Variants in SPATA6L observed in about 807,000 individuals in gnomAD.
The protein encoded by SPATA6L is spermatogenesis associated 6-like protein.
In SPATA6L, 68 loss-of-function variants were observed where a neutral mutation model predicts 49.2. The observed-to-expected ratio is 1.38, with a 90% CI of 1.14 to 1.69. The LOEUF (loss-of-function observed/expected upper bound fraction) is 1.69. Ranked by LOEUF, SPATA6L falls within the 40% of genes most tolerant of loss-of-function variation. The pLI is 0.00. For synonymous variants in SPATA6L, 198 were observed against 165.7 expected (o/e 1.19, Z -1.50); for missense variants, 668 against 464.3 (o/e 1.44, Z -4.03).
chr9:4,599,529 A>G lies in SPATA6L; in HGVS notation c.*1282T>C, dbSNP rs1343633913. On this transcript the variant is annotated 3_prime_UTR_variant, in exon 12 of 12. Coordinates refer to ENST00000682582, the MANE Select transcript of SPATA6L (RefSeq NM_001353486.2). ...ACTCTATTCAGGCTGCTATAACAAAATGTCATAAACTGGGTAGCTTACAAA... is the reference window on the plus strand; with the variant it reads ...ACTCTATTCAGGCTGCTATAACAAAGTGTCATAAACTGGGTAGCTTACAAA... 6.6e-6 allele frequency among the ~76,000 whole-genome samples: 1 copy of G among 152,238 alleles called. No individual in the cohort carries two copies. Among genetic ancestry groups the G allele is most frequent in the Non-Finnish European group, 1.5e-5 (1 of 68,050 alleles).
downstream of SPATA6L, among the ~76,000 whole-genome samples, chr9:4,595,164 T>C (rs1822160968): frequency 1.3e-5 from 2 of 152,160 alleles, no homozygotes; most frequent in East Asian, 1.9e-4. Flanking sequence ...GCTGACTAAG[T>C]AGTTCACCTT....
At chr9:4,610,845 T>A (rs1343254029) in intron 9 of SPATA6L, among the ~76,000 whole-genome samples, 2 of 151,968 alleles carry the variant, frequency 1.3e-5, no homozygotes, top group East Asian at 3.9e-4. Flanking sequence ...GAAACTACCA[T>A]CAGAGTGAAC....
intron 7 of SPATA6L, among the ~76,000 whole-genome samples, chr9:4,620,812 C>G (rs145189862): frequency 6.6e-6 from 1 of 152,194 alleles, no homozygotes; most frequent in African/African-American, 2.4e-5. Context: ...CTGCATTAAA[C>G]CCAACTTGTC....
At chr9:4,603,591 G>T (rs1823918991) in intron 11 of SPATA6L, among the ~76,000 whole-genome samples, 4 of 152,250 alleles carry the variant, frequency 2.6e-5, no homozygotes, top group Admixed American at 2.0e-4. Flanking sequence ...CCATTGTATG[G>T]CACTAAATAC....
chr9:4,646,659 C>A, intron 3 of SPATA6L: 1 of 421,356 alleles, frequency 2.4e-6, no homozygotes, highest in Non-Finnish European at 4.1e-6. Context: ...AAAATAACTG[C>A]CAAACCAACA....
At chr9:4,636,361 A>G (rs961220345) in intron 3 of SPATA6L, among the ~76,000 whole-genome samples, 1 of 152,210 alleles carries the variant, frequency 6.6e-6, no homozygotes, top group Non-Finnish European at 1.5e-5. Flanking sequence ...AGTGACTTGT[A>G]TAAGTTGATT....
Position 4,622,419 on chromosome 9 carries a change from G to T in SPATA6L, c.761C>A (p.Pro254Gln). 1 of 1,609,488 alleles carries T rather than the reference G, an allele frequency of 6.2e-7. No individual in the cohort carries two copies. Among genetic ancestry groups the T allele is most frequent in the East Asian group, 2.2e-5 (1 of 44,854 alleles). Residue 254 changes from proline (P) to glutamine (Q), a missense_variant, in exon 7 of 12, where the codon CCA becomes CAA. Transcript: ENST00000682582. ...AGAAACTCGAGTACCTCTTCTCGTT[G>T]GAAACGGAAAGTCTGAAAACTTAGA... is the stretch of plus-strand genomic sequence containing the variant. ...RKSKFSDFPFPTRRASSLDSL... is the reference protein window; with the variant it reads ...RKSKFSDFPFQTRRASSLDSL...
chr9:4,663,211 GGC>G, intron 1 of SPATA6L: 4 of 1,614,060 alleles, frequency 2.5e-6, no homozygotes, highest in Non-Finnish European at 3.4e-6. Flanking sequence ...GACTATTGCT[GGC>G]TCTCACCCCA....
chr9:4,622,570 C>G lies in SPATA6L; in HGVS notation c.670-60G>C, dbSNP rs74354938. The G allele has an allele frequency of 2.8e-4, 329 of 1,172,318 alleles. 4 individuals are homozygous for G. The East Asian group carries it at 7.8e-3, about 28-fold the overall frequency. The allele number at this position is 1,172,318 out of a possible 1,614,324, so 72.6% of individuals were successfully genotyped here. A position where few individuals can be genotyped will look rare whatever the true frequency, so the allele number is the denominator to read the frequency against. ...ACTATAGCTTCTAGTACCCTCCCCTCGTTACCGGAATGCCTGTCTCCCCCT... is the reference window on the plus strand; with the variant it reads ...ACTATAGCTTCTAGTACCCTCCCCTGGTTACCGGAATGCCTGTCTCCCCCT... On this transcript the variant is annotated intron_variant, in intron 6 of 11. Transcript: ENST00000682582.
At chr9:4,594,712 C>G (rs1344826773), downstream of SPATA6L, among the ~76,000 whole-genome samples, 1 of 152,010 alleles carries the variant, frequency 6.6e-6, no homozygotes, top group Non-Finnish European at 1.5e-5. Flanking sequence ...AGCGAGTGAC[C>G]CAAGACTTAG....
chr9:4,590,321 G>C (rs956913697), intron 13 of SPATA6L, among the ~76,000 whole-genome samples: 7 of 152,172 alleles, frequency 4.6e-5, no homozygotes, highest in Admixed American at 2.6e-4. Context: ...ATTTCTCAAT[G>C]GCCTGGGCTG....
At chr9:4,625,215 A>G in intron 6 of SPATA6L, 112 bp downstream of exon 6, 1 of 1,442,478 alleles carries the variant, frequency 6.9e-7, no homozygotes, top group Non-Finnish European at 9.1e-7. Flanking sequence ...AATTTGAAGT[A>G]CCTTTTTATT....
chr9:4,663,458 G>A, intron 1 of SPATA6L: 1 of 599,332 alleles, frequency 1.7e-6, no homozygotes, highest in South Asian at 2.9e-5. Context: ...CCATATTAGG[G>A]AAAGCAAAAA....
At chr9:4,589,421 C>T (rs1055067698) in intron 13 of SPATA6L, among the ~76,000 whole-genome samples, 12 of 152,210 alleles carry the variant, frequency 7.9e-5, no homozygotes, top group African/African-American at 2.4e-4. Context: ...GCTCCTACCA[C>T]GTGGTGCTGG....
chr9:4,593,790 C>T (rs115014113), downstream of SPATA6L, among the ~76,000 whole-genome samples: 1,885 of 152,282 alleles, frequency 0.012, 22 homozygotes, highest in African/African-American at 0.023. Context: ...GATTCTGCCC[C>T]GCCTGACCGT....
At chr9:4,630,880 T>C (rs1190573931) in intron 4 of SPATA6L, among the ~76,000 whole-genome samples, 1 of 152,142 alleles carries the variant, frequency 6.6e-6, no homozygotes, top group Non-Finnish European at 1.5e-5. Context: ...TACAGATGAG[T>C]AAACTAAGGC....
At chr9:4,626,943 CT>C (rs1209993563) in intron 5 of SPATA6L, 6 of 152,382 alleles carry the variant, frequency 3.9e-5, no homozygotes, top group African/African-American at 1.5e-4. Context: ...ACAGAATATA[CT>C]AAAAAAATTA....
chr9:4,594,200 T>C (rs183961786), downstream of SPATA6L, among the ~76,000 whole-genome samples: 258 of 152,206 alleles, frequency 1.7e-3, no homozygotes, highest in Non-Finnish European at 2.8e-3. Flanking sequence ...AGATTGGGAA[T>C]TGTGGGTTTT....
intron 3 of SPATA6L, among the ~76,000 whole-genome samples, chr9:4,642,048 G>A (rs114994434): frequency 0.02 from 3,049 of 152,254 alleles, 89 homozygotes; most frequent in African/African-American, 0.069. Context: ...GATTACAGGC[G>A]CAAGCCACCA....
Sources: gnomAD v4.1 joint callset for allele counts (sites outside exome capture counted in the v4.1 genomes callset) on GRCh38, gnomAD v4.1.1 for gene constraint, MANE v1.5 for transcripts, NCBI Gene and HGNC (gene_info 2026-07-23, HGNC 2026-07-21) for gene names.